The following PDE10A variants were observed in gnomAD, a reference collection of about 807,000 sequenced individuals.
PDE10A encodes the protein phosphodiesterase 10A.
In PDE10A, 39 loss-of-function variants were observed where a neutral mutation model predicts 97.7. That is an observed-to-expected ratio of 0.40 (90% CI 0.31 to 0.52). The LOEUF (loss-of-function observed/expected upper bound fraction) is 0.52. PDE10A is among the 20% of genes least tolerant of loss of function. The pLI, the probability that PDE10A is intolerant of heterozygous loss-of-function variation, is 0.56. For missense variants in PDE10A, 731 were observed against 1,047.8 expected (o/e 0.70, Z 4.17); for synonymous variants, 371 against 376.8 (o/e 0.98, Z 0.18).
In PDE10A at chr6:165,685,240, T is replaced by G. The variant is rs551765887; in HGVS notation, c.-614-141672A>C. Among the ~76,000 whole-genome samples, 76 of 152,282 alleles carry G rather than the reference T, an allele frequency of 5.0e-4. 1 individual carries two copies. The highest frequency in any genetic ancestry group is 4.4e-3 in the South Asian group (21 of 4,820). ...TGCTCTGTTTAAATCTTGTAGCAAC[T>G]GACTCATGGGTGCCTATTAACATAG... On this transcript the variant is annotated intron_variant, in intron 1 of 19. Transcript: ENST00000366882.
At chr6:165,832,804 T>C (rs192685515) in intron 1 of PDE10A, among the ~76,000 whole-genome samples, 81 of 152,374 alleles carry the variant, frequency 5.3e-4, no homozygotes, top group Non-Finnish European at 9.6e-4. Context: ...ATTGGCAGAA[T>C]GTGTTGGAGA....
At chr6:165,544,628 A>T (rs1783641358) in intron 1 of PDE10A, among the ~76,000 whole-genome samples, 1 of 151,918 alleles carries the variant, frequency 6.6e-6, no homozygotes, top group Admixed American at 6.5e-5. Flanking sequence ...AAAGAAGGAA[A>T]GGAAGCATAT....
intron 1 of PDE10A, among the ~76,000 whole-genome samples, chr6:165,627,919 T>C (rs1456209564): frequency 6.6e-6 from 1 of 152,196 alleles, no homozygotes; most frequent in Non-Finnish European, 1.5e-5. Flanking sequence ...AGCCACTTAC[T>C]GGCAAAGTTG....
chr6:165,770,606 G>A (rs892954831), intron 1 of PDE10A, among the ~76,000 whole-genome samples: 3 of 152,068 alleles, frequency 2.0e-5, no homozygotes, highest in Non-Finnish European at 2.9e-5. Flanking sequence ...GCCTTCCTTC[G>A]CATCAGCCTG....
chr6:165,496,295 C>T (rs1780534267), intron 2 of PDE10A, among the ~76,000 whole-genome samples: 1 of 152,162 alleles, frequency 6.6e-6, no homozygotes, highest in South Asian at 2.1e-4. Flanking sequence ...GCCCACTGAT[C>T]TCTCTTTTCT....
chr6:165,366,261 T>C (rs1583124823), intron 18 of PDE10A, among the ~76,000 whole-genome samples: 1 of 152,198 alleles, frequency 6.6e-6, no homozygotes, highest in East Asian at 1.9e-4. Context: ...GTGTTGTAAA[T>C]TCTAGCTATG....
intron 1 of PDE10A, among the ~76,000 whole-genome samples, chr6:165,825,388 G>A (rs540782543): frequency 1.2e-4 from 18 of 152,188 alleles, no homozygotes; most frequent in Non-Finnish European, 2.1e-4. Context: ...TGAGGGCCCC[G>A]TTAAGTCATC....
At chr6:165,958,599 AAGAG>A (rs201232553) in intron 1 of PDE10A, among the ~76,000 whole-genome samples, 1 of 36,106 alleles carries the variant, frequency 2.8e-5, no homozygotes. Context: ...GAGAGAAAGA[AAGAG>A]AGAAAGGAAG....
At chr6:165,700,775 G>A (rs192715874) in intron 1 of PDE10A, among the ~76,000 whole-genome samples, 86 of 152,240 alleles carry the variant, frequency 5.6e-4, no homozygotes, top group African/African-American at 2.0e-3. Context: ...ATCACTAGGC[G>A]GTCCTCCAGA....
intron 3 of PDE10A, among the ~76,000 whole-genome samples, chr6:165,457,730 G>T (rs1292419709): frequency 6.6e-6 from 1 of 152,096 alleles, no homozygotes; most frequent in Admixed American, 6.6e-5. Flanking sequence ...TCTTGCCTAG[G>T]GGGAAATAAT....
At chr6:165,393,260 T>C (rs1785859175) in intron 15 of PDE10A, among the ~76,000 whole-genome samples, 1 of 152,172 alleles carries the variant, frequency 6.6e-6, no homozygotes. Flanking sequence ...AGAGTTACTA[T>C]ACTTTCAAAG....
At chr6:165,858,513 C>T (rs1465840433) in intron 1 of PDE10A, among the ~76,000 whole-genome samples, 5 of 152,194 alleles carry the variant, frequency 3.3e-5, no homozygotes, top group African/African-American at 1.2e-4. Context: ...TTGACGTGAA[C>T]GGTCACTGGG....
intron 1 of PDE10A, among the ~76,000 whole-genome samples, chr6:165,547,537 A>T (rs1783799493): frequency 6.6e-6 from 1 of 152,324 alleles, no homozygotes; most frequent in South Asian, 2.1e-4. Context: ...AACAAAAGGC[A>T]TAATAAAGAC....
chr6:165,336,948 G>A (rs1479576493), intron 20 of PDE10A, among the ~76,000 whole-genome samples: 2 of 151,734 alleles, frequency 1.3e-5, no homozygotes, highest in African/African-American at 2.4e-5. Context: ...TTCCGCCCTC[G>A]TGCTCAGGTT....
chr6:165,898,522 C>G (rs1782019388), intron 1 of PDE10A, among the ~76,000 whole-genome samples: 1 of 152,128 alleles, frequency 6.6e-6, no homozygotes, highest in Non-Finnish European at 1.5e-5. Context: ...TGTGATCCCA[C>G]CATCAAAACA....
intron 1 of PDE10A, among the ~76,000 whole-genome samples, chr6:165,755,172 G>A (rs1011042996): frequency 5.3e-5 from 8 of 152,174 alleles, no homozygotes; most frequent in Non-Finnish European, 8.8e-5. Flanking sequence ...GCCCCAGGAT[G>A]GCCTGCGACC....
At chr6:165,366,769 G>A (rs946946188) in intron 18 of PDE10A, among the ~76,000 whole-genome samples, 2 of 152,268 alleles carry the variant, frequency 1.3e-5, no homozygotes, top group African/African-American at 4.8e-5. Context: ...ATCCCTGACA[G>A]AGTACACCAA....
chr6:165,429,843 G>C (rs1789429681), intron 9 of PDE10A, among the ~76,000 whole-genome samples: 1 of 151,924 alleles, frequency 6.6e-6, no homozygotes, highest in Non-Finnish European at 1.5e-5. Context: ...CATTTTCTCA[G>C]AAATGATAAC....
At chr6:165,425,188 A>T (rs1415273082) in intron 10 of PDE10A, among the ~76,000 whole-genome samples, 1 of 152,170 alleles carries the variant, frequency 6.6e-6, no homozygotes, top group Non-Finnish European at 1.5e-5. Context: ...AAATAAGTTA[A>T]CTATGGGGGA....
Sources: allele counts gnomAD v4.1 joint callset (sites outside exome capture counted in the v4.1 genomes callset), GRCh38; gene constraint gnomAD v4.1.1; transcripts MANE v1.5; gene names NCBI Gene and HGNC (gene_info 2026-07-23, HGNC 2026-07-21).